ADGRD1: variants seen among roughly 807,000 people sequenced by gnomAD.
The protein encoded by ADGRD1 is adhesion G protein-coupled receptor D1.
A neutral mutation model predicts 113.4 loss-of-function variants in ADGRD1; 77 were observed. The ratio of observed to expected loss-of-function variants is 0.68; its 90% CI spans 0.57 to 0.82. The LOEUF is 0.82. Ranked by LOEUF, ADGRD1 falls within the 40% of genes least tolerant of loss-of-function variation. The pLI is 0.00. For missense variants in ADGRD1, 1,036 were observed against 1,139.1 expected (o/e 0.91, Z 1.30); for synonymous variants, 474 against 475.0 (o/e 1.00, Z 0.03).
At chr12:131,019,606 G>A (rs530533745) in intron 13 of ADGRD1, among the ~76,000 whole-genome samples, 9 of 151,870 alleles carry the variant, frequency 5.9e-5, no homozygotes, top group East Asian at 5.8e-4. Flanking sequence ...CCAAAAATAC[G>A]TATTGCAAAG....
chr12:130,966,463 G>A lies in ADGRD1; in HGVS notation c.104G>A (p.Gly35Glu). The A allele has an allele frequency of 6.3e-7, 1 of 1,599,400 alleles. No homozygotes were observed. Among genetic ancestry groups the A allele is most frequent in the South Asian group, 1.1e-5 (1 of 90,828 alleles). ...AAATTTTTATTCTTTTTTCCCCAAG[G>A]ATTTCAGGTGTTGGCGTCTGCTTCC... ...GVYSRSQDHP[G>E]FQVLASASHY... The change falls in exon 3 of 25, where the codon GGA (glycine) becomes GAA (glutamate). Residue 35 changes from glycine (G) to glutamate (E), a missense_variant and splice_region_variant. Coordinates refer to ENST00000261654, the MANE Select transcript of ADGRD1 (RefSeq NM_198827.5). The surrounding 1 kb of genome is among the most constrained non-coding windows in gnomAD (Gnocchi z 4.6).
rs192680833 is a variant in ADGRD1, at chr12:131,040,082, G to A, written c.1473+25742G>A. Reference sequence around the variant, plus strand: ...AGGCATGACCTTCCCGGCCCCTGTAGGAGCCTGAGTTTGAGACCCATGAAC... The same window carrying A: ...AGGCATGACCTTCCCGGCCCCTGTAAGAGCCTGAGTTTGAGACCCATGAAC... On this transcript the variant is annotated intron_variant, in intron 13 of 24. Coordinates refer to ENST00000261654, the MANE Select transcript of ADGRD1 (RefSeq NM_198827.5). 2.0e-4 allele frequency among the ~76,000 whole-genome samples: 31 copies of A among 152,320 alleles called. No homozygotes were observed. In the East Asian group the frequency reaches 5.2e-3, roughly 26 times the overall value.
chr12:131,138,987 C>T (rs866115051), intron 24 of ADGRD1, among the ~76,000 whole-genome samples, 181 bp from the exon 25 acceptor site: 1 of 152,172 alleles, frequency 6.6e-6, no homozygotes, highest in East Asian at 1.9e-4. Flanking sequence ...CGGCTGGAGA[C>T]GCCACAGTGC....
chr12:131,105,707 C>T, intron 16 of ADGRD1, 47 bp from the exon 17 acceptor site: 1 of 1,468,908 alleles, frequency 6.8e-7, no homozygotes, highest in South Asian at 1.2e-5. Flanking sequence ...GCCTGGGGGA[C>T]TGGGTCGGCG....
In ADGRD1 at chr12:131,105,791, C is replaced by T. The variant is rs1451049418; in HGVS notation, c.1813C>T (p.His605Tyr). 1.9e-6 allele frequency: 3 copies of T among 1,601,448 alleles called. No homozygotes were observed. Among genetic ancestry groups the T allele is most frequent in the Non-Finnish European group, 2.5e-6 (3 of 1,179,954 alleles). ...CATCCGGAACCAGCGCTACCACATC[C>T]ACGCCAACCTGTCCTTCGCCGTGCT... ...STIRNQRYHI[H>Y]ANLSFAVLVA... Residue 605 changes from histidine to tyrosine, a missense_variant, in exon 17 of 25, where the codon CAC becomes TAC. His to Tyr is a moderately conservative substitution (Grantham distance 83, BLOSUM62 2). Coordinates refer to ENST00000261654, the MANE Select transcript of ADGRD1 (RefSeq NM_198827.5).
chr12:130,987,356 G>A lies in ADGRD1; in HGVS notation c.745+7G>A, dbSNP rs541028270. ...TACTTCACTGCTGCCATTGGTCAGT[G>A]AGTGTGAAGGGCTGGGGCAGATCCG... On this transcript the variant is annotated splice_region_variant and intron_variant, in intron 6 of 24. Transcript: ENST00000261654. The A allele has an allele frequency of 8.1e-6, 13 of 1,613,904 alleles. No homozygotes were observed. In the South Asian group the frequency reaches 1.3e-4, roughly 16 times the overall value.
chr12:131,020,684 C>T (rs1457397136), intron 13 of ADGRD1, among the ~76,000 whole-genome samples: 1 of 152,206 alleles, frequency 6.6e-6, no homozygotes, highest in African/African-American at 2.4e-5. Context: ...TATCCGAGGC[C>T]CCTGGACCGT....
chr12:131,066,497 A>G (rs2137112245), intron 13 of ADGRD1, among the ~76,000 whole-genome samples: 1 of 152,138 alleles, frequency 6.6e-6, no homozygotes, highest in African/African-American at 2.4e-5. Flanking sequence ...ACCGCAGGCC[A>G]CCTTGTGTGG....
chr12:130,975,047 A>C (rs1872146430), intron 4 of ADGRD1, among the ~76,000 whole-genome samples: 1 of 152,160 alleles, frequency 6.6e-6, no homozygotes, highest in Non-Finnish European at 1.5e-5. Flanking sequence ...CTTAGAAAAC[A>C]CAGTCTGTTC....
At chr12:130,957,238 A>C (rs997716949) in intron 2 of ADGRD1, 1 of 152,346 alleles carries the variant, frequency 6.6e-6, no homozygotes, top group Non-Finnish European at 1.5e-5. Flanking sequence ...ACATGACCAC[A>C]CAGTCACAGA....
At position 131,027,379 on chromosome 12, in the gene ADGRD1, T is replaced by C. The variant is rs1274648404; in HGVS notation, c.1473+13039T>C. ...CCGTTTCGCAGCTTCAGTTTTTAAA[T>C]TTACCATGTCTATATTTCCGTGCCA... On this transcript the variant is annotated intron_variant, in intron 13 of 24. Coordinates refer to ENST00000261654, the MANE Select transcript of ADGRD1 (RefSeq NM_198827.5). This position sits in a 1 kb window ranked among gnomAD's most constrained non-coding sequence, Gnocchi z 5.1. 1 of 152,174 alleles carries C rather than the reference T, an allele frequency of 6.6e-6. No individual in the cohort carries two copies. Among genetic ancestry groups the C allele is most frequent in the Non-Finnish European group, 1.5e-5 (1 of 68,036 alleles). The allele number at this position is 152,174 out of a possible 1,614,324, so 9.4% of individuals were successfully genotyped here.
At chr12:130,974,929 C>A (rs1489018094) in intron 4 of ADGRD1, among the ~76,000 whole-genome samples, 1 of 152,024 alleles carries the variant, frequency 6.6e-6, no homozygotes. Context: ...GCAAATGGTG[C>A]CTTCTGGGGA....
intron 15 of ADGRD1, among the ~76,000 whole-genome samples, chr12:131,088,407 T>C (rs1265407439): frequency 6.6e-6 from 1 of 152,182 alleles, no homozygotes; most frequent in East Asian, 1.9e-4. Context: ...GTCGGATGAC[T>C]TGTGGATAAT....
chr12:130,983,345 A>T (rs1158530284), intron 5 of ADGRD1, among the ~76,000 whole-genome samples: 2 of 152,078 alleles, frequency 1.3e-5, no homozygotes, highest in African/African-American at 4.8e-5. Context: ...CATCTACTTC[A>T]AATTTGCCCT....
intron 15 of ADGRD1, among the ~76,000 whole-genome samples, chr12:131,094,938 C>T (rs1887177080): frequency 6.6e-6 from 1 of 152,158 alleles, no homozygotes; most frequent in Non-Finnish European, 1.5e-5. Flanking sequence ...TGCGTCCTTC[C>T]ACCCCCTCCC....
intron 16 of ADGRD1, among the ~76,000 whole-genome samples, 170 bp downstream of exon 16, chr12:131,105,104 C>T (rs1950200342): frequency 6.6e-6 from 1 of 152,230 alleles, no homozygotes; most frequent in South Asian, 2.1e-4. Flanking sequence ...TCTGGTGGAA[C>T]CCGAGCCAGG....
rs397795712 is a variant in ADGRD1 at position 130,966,792 on chromosome 12, C to CTTTTTTTTTT, written c.187+247_187+256dup. 1.1e-5 allele frequency: 4 copies of CTTTTTTTTTT among 353,266 alleles called. No homozygotes were observed. Among genetic ancestry groups the CTTTTTTTTTT allele is most frequent in the Non-Finnish European group, 1.1e-5 (2 of 183,570 alleles). The allele number at this position is 353,266 out of a possible 1,614,324, so 21.9% of individuals were successfully genotyped here. On this transcript the variant is annotated intron_variant, in intron 3 of 24. Coordinates refer to ENST00000261654, the MANE Select transcript of ADGRD1 (RefSeq NM_198827.5). This position sits in a 1 kb window ranked among gnomAD's most constrained non-coding sequence, Gnocchi z 4.6. The stretch of plus-strand genomic sequence containing the variant: ...ACTTCCCGTAATAGTTATTTCAAAG[C>CTTTTTTTTTT]TTTTTTTTTTGTAGAGATGGGGTCT...
Position 131,139,362 on chromosome 12 carries a change from T to A in ADGRD1, c.*99T>A. 1.3e-6 allele frequency: 1 copy of A among 797,310 alleles called. No homozygotes were observed. The highest frequency in any genetic ancestry group is 2.1e-6 in the Non-Finnish European group (1 of 485,130). 49.4% of individuals were successfully genotyped at this position (797,310 alleles called of 1,614,324 possible). Reference sequence around the variant, plus strand: ...TGCCCATGGACCCTCTCCTTGCTGCTGTCTGGACATGGGTGTTGTGGCCCC... The same window carrying A: ...TGCCCATGGACCCTCTCCTTGCTGCAGTCTGGACATGGGTGTTGTGGCCCC... On this transcript the variant is annotated 3_prime_UTR_variant, in exon 25 of 25. Transcript: ENST00000261654.
Position 131,003,312 on chromosome 12 carries a change from G to T in ADGRD1, c.1144+10G>T. 6.3e-7 allele frequency: 1 copy of T among 1,585,056 alleles called. No individual in the cohort carries two copies. ...TCCTCTGCCATGGCAGGTAGCTGTC[G>T]CTTGTAAGGGTGAGCCACATGGCAG... On this transcript the variant is annotated intron_variant, in intron 10 of 24. Transcript: ENST00000261654. The surrounding 1 kb of genome is among the most constrained non-coding windows in gnomAD (Gnocchi z 4.8).
Sources: allele counts gnomAD v4.1 joint callset (sites outside exome capture counted in the v4.1 genomes callset), GRCh38; gene constraint gnomAD v4.1.1; non-coding constraint Gnocchi (gnomAD v3.1); transcripts MANE v1.5; gene names NCBI Gene and HGNC (gene_info 2026-07-23, HGNC 2026-07-21).